The following OR2T10 variants were observed in gnomAD, a reference collection of about 807,000 sequenced individuals.
The protein encoded by OR2T10 is olfactory receptor 2T10.
For missense variants in OR2T10, 335 were observed against 382.5 expected (o/e 0.88, Z 1.04); for synonymous variants, 125 against 141.8 (o/e 0.88, Z 0.84).
rs1016280579 is a variant in OR2T10 at position 248,592,659 on chromosome 1, T to G, written c.*171A>C. On this transcript the variant is annotated 3_prime_UTR_variant, in exon 2 of 2. Transcript: ENST00000642090. ...TGCTACGAGGGAAGGGGGGGATAAG[T>G]GAACATCATCTCAAGTGTGATTATA... 4 of 486,862 alleles carry G rather than the reference T, an allele frequency of 8.2e-6. 1 individual carries two copies. Among genetic ancestry groups the G allele is most frequent in the South Asian group, 3.1e-5 (1 of 32,646 alleles). 30.2% of individuals were successfully genotyped at this position (486,862 alleles called of 1,614,324 possible).
In OR2T10 at chr1:248,594,547, T is replaced by C. The variant is rs1190433218; in HGVS notation, c.-28-751A>G. Among the ~76,000 whole-genome samples, 14 of 143,352 alleles carry C rather than the reference T, an allele frequency of 9.8e-5. 1 individual carries two copies. The highest frequency in any genetic ancestry group is 3.2e-3 in the Middle Eastern group (1 of 310). The allele number at this position is 143,352 out of a possible 152,430, so 94.0% of individuals were successfully genotyped here. A position where few individuals can be genotyped will look rare whatever the true frequency, so the allele number is the denominator to read the frequency against. Reference sequence around the variant, plus strand: ...ATTTTCATAATTTCCATCAAGATGTTCTAATCCGTTGTGTTTCTGCCAATC... The same window carrying C: ...ATTTTCATAATTTCCATCAAGATGTCCTAATCCGTTGTGTTTCTGCCAATC... On this transcript the variant is annotated intron_variant, in intron 1 of 1. Coordinates refer to ENST00000642090, the MANE Select transcript of OR2T10 (RefSeq NM_001004693.2).
chr1:248,592,639 C>T lies in OR2T10; in HGVS notation c.*191G>A, dbSNP rs143159775. 788 of 458,560 alleles carry T rather than the reference C, an allele frequency of 1.7e-3. 56 individuals are homozygous for T. Among genetic ancestry groups the T allele is most frequent in the Non-Finnish European group, 2.4e-3 (635 of 259,680 alleles). The allele number at this position is 458,560 out of a possible 1,614,324, so 28.4% of individuals were successfully genotyped here. On this transcript the variant is annotated 3_prime_UTR_variant, in exon 2 of 2. Coordinates refer to ENST00000642090, the MANE Select transcript of OR2T10 (RefSeq NM_001004693.2). ...AGGACTGGACTAGAGATCAATGCTA[C>T]GAGGGAAGGGGGGGATAAGTGAACA...
chr1:248,590,495 T>C lies in OR2T10; in HGVS notation c.*2335A>G, dbSNP rs750901461. ...ATCTCAGTATTTTACTTGGAACATTTAGTATATTACATATTTTATTGATAC... is the reference window on the plus strand; with the variant it reads ...ATCTCAGTATTTTACTTGGAACATTCAGTATATTACATATTTTATTGATAC... On this transcript the variant is annotated 3_prime_UTR_variant, in exon 2 of 2. Coordinates refer to ENST00000642090, the MANE Select transcript of OR2T10 (RefSeq NM_001004693.2). The C allele has an allele frequency of 1.4e-5, 2 of 144,062 alleles. No individual in the cohort carries two copies. Among genetic ancestry groups the C allele is most frequent in the Non-Finnish European group, 3.0e-5 (2 of 66,434 alleles). 8.9% of individuals were successfully genotyped at this position (144,062 alleles called of 1,614,324 possible).
In OR2T10 at chr1:248,593,074, T is replaced by C; in HGVS notation, c.695A>G (p.Glu232Gly). 1.3e-6 allele frequency: 2 copies of C among 1,572,174 alleles called. No homozygotes were observed. The highest frequency in any genetic ancestry group is 1.7e-6 in the Non-Finnish European group (2 of 1,156,204). ...GGTGGTGAAGGCCTTTTTCCGACCC[T>C]CAACTGAGTTCATCTTATGGATGGT... ...ILTIHKMNSV[E>G]GRKKAFTTCS... Residue 232 changes from glutamate (E) to glycine (G), a missense_variant, in exon 2 of 2, where the codon GAG (glutamate) becomes GGG (glycine). Coordinates refer to ENST00000642090, the MANE Select transcript of OR2T10 (RefSeq NM_001004693.2).
chr1:248,594,217 A>G (rs1419824598), intron 1 of OR2T10, among the ~76,000 whole-genome samples: 2 of 143,286 alleles, frequency 1.4e-5, no homozygotes, highest in Non-Finnish European at 3.0e-5. Context: ...ATGTCTGCAA[A>G]AAAGGATTAG....
chr1:248,596,020 TGA>T (rs1482391225), intron 1 of OR2T10, among the ~76,000 whole-genome samples: 2 of 142,910 alleles, frequency 1.4e-5, no homozygotes, highest in Non-Finnish European at 3.0e-5. Context: ...CTGCAAAATG[TGA>T]GAGTCATGGT....
At chr1:248,596,177 A>C (rs74154311) in intron 1 of OR2T10, among the ~76,000 whole-genome samples, 20,898 of 142,532 alleles carry the variant, frequency 0.15, 4,577 homozygotes, top group East Asian at 0.44. Context: ...GACTTAACGG[A>C]ATTTCCACAA....
Position 248,590,871 on chromosome 1 carries a change from A to G in OR2T10, c.*1959T>C, listed in dbSNP as rs1659986509. The G allele has an allele frequency of 7.2e-6, 1 of 138,640 alleles. No homozygotes were observed. Among genetic ancestry groups the G allele is most frequent in the Non-Finnish European group, 1.5e-5 (1 of 66,214 alleles). The allele number at this position is 138,640 out of a possible 1,614,324, so 8.6% of individuals were successfully genotyped here. Reference sequence around the variant, plus strand: ...TAAGTTTTGCACAAATCTAAACTGTATATTACATTAAAATTATTGCTAAGT... The same window carrying G: ...TAAGTTTTGCACAAATCTAAACTGTGTATTACATTAAAATTATTGCTAAGT... On this transcript the variant is annotated 3_prime_UTR_variant, in exon 2 of 2. Coordinates refer to ENST00000642090, the MANE Select transcript of OR2T10 (RefSeq NM_001004693.2).
chr1:248,596,418 G>A (rs1401070692), intron 1 of OR2T10, among the ~76,000 whole-genome samples: 1 of 142,854 alleles, frequency 7.0e-6, no homozygotes, highest in African/African-American at 2.8e-5. Context: ...ACATGAGCTA[G>A]TCAGGGTGAG....
Position 248,592,834 on chromosome 1 carries a change from T to C in OR2T10, c.935A>G (p.Tyr312Cys), listed in dbSNP as rs746067321. 4.0e-6 allele frequency: 6 copies of C among 1,510,464 alleles called. No individual in the cohort carries two copies. In the East Asian group the frequency reaches 9.2e-5, roughly 23 times the overall value. 93.6% of individuals were successfully genotyped at this position (1,510,464 alleles called of 1,614,324 possible). A position where few individuals can be genotyped will look rare whatever the true frequency, so the allele number is the denominator to read the frequency against. The change falls in exon 2 of 2, where the codon TAT (tyrosine) becomes TGT (cysteine). Residue 312 changes from tyrosine to cysteine, a missense_variant. Physicochemically the swap from Tyr to Cys is radical, Grantham distance 194. Coordinates refer to ENST00000642090, the MANE Select transcript of OR2T10 (RefSeq NM_001004693.2). ...CAACTTAAGTTCTTTCACACTTTAA[T>C]ATGGAGGTTTCTGCACGCTCAGCAT... ...KKMLSVQKPP[Y>C]
At position 248,591,470 on chromosome 1, in the gene OR2T10, A is replaced by C. The variant is rs1558162501; in HGVS notation, c.*1360T>G. The stretch of plus-strand genomic sequence containing the variant: ...GGGGCCTGGCAAACTATAGGGGCTC[A>C]GTAGTTATTTGTTGAATGAATGAAT... On this transcript the variant is annotated 3_prime_UTR_variant, in exon 2 of 2. Transcript: ENST00000642090. The C allele has an allele frequency of 6.9e-6, 1 of 144,180 alleles. No homozygotes were observed. Among genetic ancestry groups the C allele is most frequent in the African/African-American group, 2.7e-5 (1 of 36,756 alleles). The allele number at this position is 144,180 out of a possible 1,614,324, so 8.9% of individuals were successfully genotyped here. A position where few individuals can be genotyped will look rare whatever the true frequency, so the allele number is the denominator to read the frequency against.
rs369874200 is a variant in OR2T10, at chr1:248,597,346, A to C, written c.-29+146T>G. 9 of 141,708 alleles carry C rather than the reference A, an allele frequency of 6.4e-5. 1 individual carries two copies. Among genetic ancestry groups the C allele is most frequent in the East Asian group, 6.1e-4 (3 of 4,928 alleles). 8.8% of individuals were successfully genotyped at this position (141,708 alleles called of 1,614,324 possible). ...AGTTATTTTATGTGATCTATAATAT[A>C]ACAATGTTAGTATAATTTTACCAAT... On this transcript the variant is annotated intron_variant, in intron 1 of 1. Transcript: ENST00000642090.
Position 248,592,881 on chromosome 1 carries a change from A to G in OR2T10, c.888T>C (p.Asp296=). ...NPIIYSFRNK[D]VTRALKKMLS... Reference sequence around the variant, plus strand: ...GCATTTTTTTCAAAGCCCTTGTGACATCCTTATTCCTGAAACTGTAAATGA... The same window carrying G: ...GCATTTTTTTCAAAGCCCTTGTGACGTCCTTATTCCTGAAACTGTAAATGA... The change falls in exon 2 of 2, where the codon GAT becomes GAC. Residue 296 remains aspartate, a synonymous_variant. Coordinates refer to ENST00000642090, the MANE Select transcript of OR2T10 (RefSeq NM_001004693.2). 1 of 1,567,786 alleles carries G rather than the reference A, an allele frequency of 6.4e-7. No homozygotes were observed. The highest frequency in any genetic ancestry group is 8.7e-7 in the Non-Finnish European group (1 of 1,153,346).
At position 248,596,743 on chromosome 1, in the gene OR2T10, G is replaced by C. The variant is rs1660097531; in HGVS notation, c.-29+749C>G. Among the ~76,000 whole-genome samples, 2 of 143,354 alleles carry C rather than the reference G, an allele frequency of 1.4e-5. 1 individual carries two copies. The highest frequency in any genetic ancestry group is 5.5e-5 in the African/African-American group (2 of 36,328). The allele number at this position is 143,354 out of a possible 152,430, so 94.0% of individuals were successfully genotyped here. A position where few individuals can be genotyped will look rare whatever the true frequency, so the allele number is the denominator to read the frequency against. ...AAAGCAAGCAAACCAGTTGTGACAG[G>C]CTTCACAGTAGTAACATCTGCACTG... is the stretch of plus-strand genomic sequence containing the variant. On this transcript the variant is annotated intron_variant, in intron 1 of 1. Coordinates refer to ENST00000642090, the MANE Select transcript of OR2T10 (RefSeq NM_001004693.2).
In OR2T10 at chr1:248,592,589, C is replaced by A. The variant is rs2103087811; in HGVS notation, c.*241G>T. 1 of 356,036 alleles carries A rather than the reference C, an allele frequency of 2.8e-6. No homozygotes were observed. The highest frequency in any genetic ancestry group is 5.0e-6 in the Non-Finnish European group (1 of 199,774). 22.1% of individuals were successfully genotyped at this position (356,036 alleles called of 1,614,324 possible). A position where few individuals can be genotyped will look rare whatever the true frequency, so the allele number is the denominator to read the frequency against. On this transcript the variant is annotated 3_prime_UTR_variant, in exon 2 of 2. Coordinates refer to ENST00000642090, the MANE Select transcript of OR2T10 (RefSeq NM_001004693.2). ...TATTTTCATATTTCTCCACTGTAAT[C>A]TAAAAAAAGGACCATTGGCCCCGAA...
Position 248,593,678 on chromosome 1 carries a change from T to A in OR2T10, c.91A>T (p.Ile31Phe), listed in dbSNP as rs778442591. 2.6e-6 allele frequency: 4 copies of A among 1,560,756 alleles called. No individual in the cohort carries two copies. Among genetic ancestry groups the A allele is most frequent in the Non-Finnish European group, 3.5e-6 (4 of 1,148,862 alleles). The change falls in exon 2 of 2, where the codon ATC becomes TTC. Residue 31 changes from isoleucine to phenylalanine, a missense_variant. Ile to Phe is a conservative substitution (Grantham distance 21, BLOSUM62 0). Transcript: ENST00000642090. The part of the protein sequence containing the change: ...ISHPGRLCLL[I>F]FSIFLMAVSW... Reference sequence around the variant, plus strand: ...ACAGCCATCAAAAATATACTGAAGATAAGCAAGCAGAGGCGGCCAGGGTGT... The same window carrying A: ...ACAGCCATCAAAAATATACTGAAGAAAAGCAAGCAGAGGCGGCCAGGGTGT...
In OR2T10 at chr1:248,593,780, G is replaced by A. The variant is rs531057528; in HGVS notation, c.-12C>T. ...TTGGCCAGCCGCATGCTGTATGATC[G>A]GCTGAAGTGGCTTTACCTGGAGGAC... On this transcript the variant is annotated 5_prime_UTR_variant, in exon 2 of 2. Coordinates refer to ENST00000642090, the MANE Select transcript of OR2T10 (RefSeq NM_001004693.2). The A allele has an allele frequency of 3.5e-5, 50 of 1,422,506 alleles. 5 individuals carry two copies. Among genetic ancestry groups the A allele is most frequent in the East Asian group, 4.7e-5 (2 of 42,738 alleles). 88.1% of individuals were successfully genotyped at this position (1,422,506 alleles called of 1,614,324 possible). A position where few individuals can be genotyped will look rare whatever the true frequency, so the allele number is the denominator to read the frequency against.
In OR2T10 at chr1:248,592,937, A is replaced by G. The variant is rs200389506; in HGVS notation, c.832T>C (p.Tyr278His). 918 of 1,566,466 alleles carry G rather than the reference A, an allele frequency of 5.9e-4. 117 individuals are homozygous for G. In the South Asian group the frequency reaches 9.8e-3, roughly 17 times the overall value. ...PEKDMMSSFF[Y>H]TILTPVLNPI... The stretch of plus-strand genomic sequence containing the variant: ...TTCAAGACAGGTGTAAGGATAGTGT[A>G]GAAAAAGGATGACATCATATCTTTC... Residue 278 changes from tyrosine (Y) to histidine (H), a missense_variant, in exon 2 of 2, where the codon TAC becomes CAC. Transcript: ENST00000642090.
At position 248,592,611 on chromosome 1, in the gene OR2T10, C is replaced by T. The variant is rs1336353200; in HGVS notation, c.*219G>A. ...AATCTAAAAAAAGGACCATTGGCCCCGAAGGACTGGACTAGAGATCAATGC... is the reference window on the plus strand; with the variant it reads ...AATCTAAAAAAAGGACCATTGGCCCTGAAGGACTGGACTAGAGATCAATGC... On this transcript the variant is annotated 3_prime_UTR_variant, in exon 2 of 2. Coordinates refer to ENST00000642090, the MANE Select transcript of OR2T10 (RefSeq NM_001004693.2). 2.3e-5 allele frequency: 9 copies of T among 392,698 alleles called. No individual in the cohort carries two copies. The highest frequency in any genetic ancestry group is 4.1e-5 in the East Asian group (1 of 24,506). 24.3% of individuals were successfully genotyped at this position (392,698 alleles called of 1,614,324 possible).
Sources: gnomAD v4.1 joint callset for allele counts (sites outside exome capture counted in the v4.1 genomes callset) on GRCh38, gnomAD v4.1.1 for gene constraint, MANE v1.5 for transcripts, NCBI Gene and HGNC (gene_info 2026-07-23, HGNC 2026-07-21) for gene names.